Variants in LRRC49 observed in about 807,000 individuals in gnomAD.
The protein encoded by LRRC49 is leucine rich repeat containing 49.
A neutral mutation model predicts 83.3 loss-of-function variants in LRRC49; 50 were observed. The observed-to-expected ratio is 0.60, with a 90% CI of 0.48 to 0.76. The LOEUF (loss-of-function observed/expected upper bound fraction) is 0.76. Among genes scored for constraint, LRRC49 ranks in the 30% least tolerant of loss-of-function variants. The pLI is 0.00. For missense variants in LRRC49, 704 were observed against 809.1 expected (o/e 0.87, Z 1.58); for synonymous variants, 286 against 283.3 (o/e 1.01, Z -0.10).
intron 5 of LRRC49, among the ~76,000 whole-genome samples, chr15:70,909,997 G>A (rs1017057362): frequency 6.6e-6 from 1 of 152,112 alleles, no homozygotes. Context: ...CTAGGTGAAG[G>A]CTAGTGAAAG....
chr15:70,970,950 G>T (rs1030089946), intron 9 of LRRC49, among the ~76,000 whole-genome samples: 2 of 151,990 alleles, frequency 1.3e-5, no homozygotes, highest in African/African-American at 4.8e-5. Context: ...TGGATTCATT[G>T]ATTTTTTGAA....
intron 2 of LRRC49, among the ~76,000 whole-genome samples, chr15:70,878,157 T>C (rs1055024307): frequency 4.6e-5 from 7 of 152,042 alleles, no homozygotes; most frequent in African/African-American, 1.7e-4. Context: ...TCAAAATAAA[T>C]AAATACATAA....
chr15:70,978,941 T>A (rs2037304084), intron 9 of LRRC49, among the ~76,000 whole-genome samples: 1 of 152,202 alleles, frequency 6.6e-6, no homozygotes, highest in Non-Finnish European at 1.5e-5. Context: ...TCAATTCTTA[T>A]AATTTTTTGT....
At chr15:70,862,165 C>A (rs546877683) in intron 1 of LRRC49, among the ~76,000 whole-genome samples, 1 of 152,302 alleles carries the variant, frequency 6.6e-6, no homozygotes, top group South Asian at 2.1e-4. Context: ...TCCTCCATTC[C>A]CCAGGAAGAC....
At position 71,037,334 on chromosome 15, in the gene LRRC49, TA is replaced by T; in HGVS notation, c.1857+6del. 1.3e-6 allele frequency: 2 copies of T among 1,592,192 alleles called. No individual in the cohort carries two copies. Among genetic ancestry groups the T allele is most frequent in the Non-Finnish European group, 1.7e-6 (2 of 1,170,976 alleles). On this transcript the variant is annotated splice_donor_region_variant and intron_variant, in intron 15 of 15. Coordinates refer to ENST00000260382, the MANE Select transcript of LRRC49 (RefSeq NM_017691.5). ...GACTTTTATAATGAAAAGCTAGAGG[TA>T]AAACTACTGTTAATCTTTGCGATCT... is the stretch of plus-strand genomic sequence containing the variant.
chr15:71,042,781 G>A (rs2039735774), intron 15 of LRRC49, among the ~76,000 whole-genome samples: 1 of 152,148 alleles, frequency 6.6e-6, no homozygotes, highest in Non-Finnish European at 1.5e-5. Flanking sequence ...ATTTAAGATG[G>A]ACATAGAATC....
intron 2 of LRRC49, among the ~76,000 whole-genome samples, chr15:70,880,448 A>G (rs2033240312): frequency 6.6e-6 from 1 of 152,220 alleles, no homozygotes; most frequent in South Asian, 2.1e-4. Context: ...ATACTTATGA[A>G]TAAATAAATT....
chr15:71,032,953 A>C (rs949545377), intron 14 of LRRC49, among the ~76,000 whole-genome samples: 5 of 152,192 alleles, frequency 3.3e-5, no homozygotes, highest in Non-Finnish European at 7.3e-5. Context: ...AACCAGCAGA[A>C]GATAAGGATG....
At chr15:70,875,824 AAG>A (rs2033141934) in intron 2 of LRRC49, among the ~76,000 whole-genome samples, 1 of 152,214 alleles carries the variant, frequency 6.6e-6, no homozygotes, top group Admixed American at 6.5e-5. Flanking sequence ...GCCAGGGTGA[AAG>A]AAGCATCCAG....
upstream of LRRC49, chr15:70,892,482 T>G: frequency 1.3e-6 from 2 of 1,529,030 alleles, no homozygotes; most frequent in South Asian, 1.2e-5. Context: ...TCCTCCTCCC[T>G]GCGCTGCTCC....
intron 1 of LRRC49, among the ~76,000 whole-genome samples, chr15:70,870,339 T>C (rs890536328): frequency 6.6e-6 from 1 of 152,140 alleles, no homozygotes; most frequent in African/African-American, 2.4e-5. Context: ...CAACTGTGGT[T>C]TACCATTTTT....
chr15:70,923,608 GT>G (rs2035085807), intron 7 of LRRC49, among the ~76,000 whole-genome samples: 1 of 151,678 alleles, frequency 6.6e-6, no homozygotes, highest in South Asian at 2.1e-4. Flanking sequence ...GGCTTTTCTG[GT>G]TATTTTTCTT....
chr15:70,896,723 G>A (rs2033855178), intron 3 of LRRC49, among the ~76,000 whole-genome samples: 1 of 152,100 alleles, frequency 6.6e-6, no homozygotes, highest in Non-Finnish European at 1.5e-5. Flanking sequence ...ATATGAGAGG[G>A]CTGATCAGTA....
chr15:70,853,562 A>C, intron 1 of LRRC49: 2 of 200,610 alleles, frequency 1.0e-5, no homozygotes. Flanking sequence ...CCCACAGAGA[A>C]GAGGCCTCCT....
intron 15 of LRRC49, 23 bp downstream of exon 15, chr15:71,037,355 C>T (rs776973856): frequency 4.6e-5 from 72 of 1,558,512 alleles, no homozygotes; most frequent in Non-Finnish European, 5.9e-5. Context: ...TTAATCTTTG[C>T]GATCTAATGC....
chr15:70,980,231 A>G (rs765454556), intron 10 of LRRC49, 47 bp downstream of exon 10: 1 of 1,355,780 alleles, frequency 7.4e-7, no homozygotes, highest in South Asian at 1.3e-5. Context: ...ACGTAGACAC[A>G]CATACCCCAA....
In LRRC49 at chr15:70,895,944, C is replaced by T; in HGVS notation, c.193+8C>T. On this transcript the variant is annotated splice_region_variant and intron_variant, in intron 3 of 15. Transcript: ENST00000260382. ...ACTACTCAAGTAGGCAAGGTATTGT[C>T]AGTGAATAGAGATCAGATGTGGTTC... 6.6e-7 allele frequency: 1 copy of T among 1,524,112 alleles called. No homozygotes were observed. The highest frequency in any genetic ancestry group is 9.1e-7 in the Non-Finnish European group (1 of 1,103,018). 94.4% of individuals were successfully genotyped at this position (1,524,112 alleles called of 1,614,324 possible).
At chr15:71,012,600 A>T (rs768230366) in intron 13 of LRRC49, among the ~76,000 whole-genome samples, 93 of 152,278 alleles carry the variant, frequency 6.1e-4, no homozygotes, top group Middle Eastern at 6.8e-3. Context: ...AGCTTCCATC[A>T]TCATGAACCA....
chr15:70,930,592 TCTC>T (rs773664719), intron 7 of LRRC49, among the ~76,000 whole-genome samples: 2 of 152,206 alleles, frequency 1.3e-5, no homozygotes, highest in African/African-American at 2.4e-5. Context: ...GTTATTGACT[TCTC>T]CTCTCCATCT....
Sources: allele counts gnomAD v4.1 joint callset (sites outside exome capture counted in the v4.1 genomes callset), GRCh38; gene constraint gnomAD v4.1.1; transcripts MANE v1.5; gene names NCBI Gene and HGNC (gene_info 2026-07-23, HGNC 2026-07-21).